CFH: variants seen among roughly 807,000 people sequenced by gnomAD.
CFH encodes H factor 1 (complement).
A neutral mutation model predicts 147.3 loss-of-function variants in CFH; 53 were observed. The ratio of observed to expected loss-of-function variants is 0.36; its 90% CI spans 0.29 to 0.45. CFH has a LOEUF of 0.45. Among genes scored for constraint, CFH ranks in the 20% least tolerant of loss-of-function variants. CFH has a pLI of 1.00. For missense variants in CFH, 1,380 were observed against 1,498.0 expected (o/e 0.92, Z 1.30); for synonymous variants, 536 against 489.4 (o/e 1.10, Z -1.26).
intron 9 of CFH, chr1:196,701,283 C>T: frequency 6.2e-7 from 1 of 1,613,702 alleles, no homozygotes; most frequent in South Asian, 1.1e-5. Context: ...GCAAGCCTAA[C>T]TCAGGGTAAT....
rs551028816 is a variant in CFH, at chr1:196,683,109, A to T, written c.791-1955A>T. Among the ~76,000 whole-genome samples, 4 of 151,320 alleles carry T rather than the reference A, an allele frequency of 2.6e-5. No individual in the cohort carries two copies. In the South Asian group the frequency reaches 6.2e-4, roughly 24 times the overall value. ...CAAAAATTAAAAAATTAAGTAAAGT[A>T]CAAGAGGAGAAGCAAAAAATATAAA... On this transcript the variant is annotated intron_variant, in intron 6 of 21. Transcript: ENST00000367429.
chr1:196,702,236 C>T (rs983869629), intron 9 of CFH, among the ~76,000 whole-genome samples: 9 of 152,072 alleles, frequency 5.9e-5, no homozygotes, highest in Middle Eastern at 3.2e-3. Flanking sequence ...GTCACAAATC[C>T]GGGGCAACAG....
chr1:196,654,297 T>C (rs1396507272), intron 1 of CFH, among the ~76,000 whole-genome samples: 1 of 152,192 alleles, frequency 6.6e-6, no homozygotes, highest in East Asian at 1.9e-4. Flanking sequence ...GAAAGAATTA[T>C]AGCCAGCAGG....
At chr1:196,679,374 A>G in intron 5 of CFH, 2 of 336,958 alleles carry the variant, frequency 5.9e-6, no homozygotes, top group Non-Finnish European at 1.1e-5. Flanking sequence ...GATGAATGTT[A>G]CTGGTCACTA....
rs1372161390 is a variant in CFH at position 196,678,098 on chromosome 1, GA to G, written c.619+434del. The G allele has an allele frequency of 1.6e-5, 3 of 183,790 alleles. No individual in the cohort carries two copies. In the Admixed American group the frequency reaches 1.6e-4, roughly 10 times the overall value. The allele number at this position is 183,790 out of a possible 1,614,324, so 11.4% of individuals were successfully genotyped here. A position where few individuals can be genotyped will look rare whatever the true frequency, so the allele number is the denominator to read the frequency against. ...TGGAATAGACATTTGTTTTTATTTT[GA>G]AAGCCAAAGATTCATTATGTATTTC... is the stretch of plus-strand genomic sequence containing the variant. On this transcript the variant is annotated intron_variant, in intron 5 of 21. Transcript: ENST00000367429.
At chr1:196,747,001 T>A in intron 21 of CFH, 110 bp from the exon 22 acceptor site, 1 of 1,552,574 alleles carries the variant, frequency 6.4e-7, no homozygotes, top group South Asian at 1.2e-5. Flanking sequence ...TGGATAGTGT[T>A]TTGAGAAATA....
intron 21 of CFH, among the ~76,000 whole-genome samples, 155 bp from the exon 22 acceptor site, chr1:196,746,956 A>G (rs755054795): frequency 5.3e-5 from 8 of 152,206 alleles, no homozygotes; most frequent in African/African-American, 1.9e-4. Context: ...TTCTAAGTTT[A>G]TTCAAATCAA....
At chr1:196,692,083 G>C (rs1485057353) in intron 9 of CFH, among the ~76,000 whole-genome samples, 1 of 151,846 alleles carries the variant, frequency 6.6e-6, no homozygotes, top group Non-Finnish European at 1.5e-5. Flanking sequence ...TGCACTATTA[G>C]TAAACAATTT....
chr1:196,683,886 C>G (rs1167370148), intron 6 of CFH, among the ~76,000 whole-genome samples: 1 of 151,696 alleles, frequency 6.6e-6, no homozygotes, highest in Middle Eastern at 3.2e-3. Context: ...GACTATGGAT[C>G]ATTTACCATG....
At position 196,690,207 on chromosome 1, in the gene CFH, G is replaced by A. The variant is rs2149088783; in HGVS notation, c.1304G>A (p.Gly435Asp). 1.2e-6 allele frequency: 2 copies of A among 1,613,340 alleles called. No homozygotes were observed. Among genetic ancestry groups the A allele is most frequent in the Non-Finnish European group, 1.7e-6 (2 of 1,179,600 alleles). The change falls in exon 9 of 22, where the codon GGC (glycine) becomes GAC (aspartate). Residue 435 changes from glycine to aspartate, a missense_variant. By Grantham distance (94) the Gly-to-Asp change is moderately conservative. Coordinates refer to ENST00000367429, the MANE Select transcript of CFH (RefSeq NM_000186.4). ...AQTTVTCMEN[G>D]WSPTPRCIRV... is the part of the protein sequence containing the mutation. ...ACCACAGTTACATGTATGGAGAATG[G>A]CTGGTCTCCTACTCCCAGATGCATC...
At chr1:196,659,357 T>C (rs1666828420) in intron 1 of CFH, among the ~76,000 whole-genome samples, 1 of 152,196 alleles carries the variant, frequency 6.6e-6, no homozygotes, top group Admixed American at 6.5e-5. Flanking sequence ...TTGATAATGA[T>C]GTAGGACAGC....
At chr1:196,726,104 T>C (rs1669130231) in intron 12 of CFH, among the ~76,000 whole-genome samples, 1 of 152,220 alleles carries the variant, frequency 6.6e-6, no homozygotes, top group African/African-American at 2.4e-5. Context: ...TTGTATTGAT[T>C]AGTCAAACTT....
At chr1:196,671,671 G>GTA (rs995003451) in intron 1 of CFH, among the ~76,000 whole-genome samples, 82 of 145,220 alleles carry the variant, frequency 5.6e-4, no homozygotes, top group South Asian at 1.3e-3. Context: ...ATAAATATGT[G>GTA]TATATATATA....
At chr1:196,688,092 T>C (rs1218171641) in intron 7 of CFH, among the ~76,000 whole-genome samples, 1 of 151,938 alleles carries the variant, frequency 6.6e-6, no homozygotes, top group Non-Finnish European at 1.5e-5. Context: ...TGTATGTGTG[T>C]ATTGAAATTC....
At position 196,728,386 on chromosome 1, in the gene CFH, T is replaced by A. The variant is rs1324976725; in HGVS notation, c.2277T>A (p.Ile759=). 2 of 1,582,048 alleles carry A rather than the reference T, an allele frequency of 1.3e-6. No individual in the cohort carries two copies. Among genetic ancestry groups the A allele is most frequent in the Non-Finnish European group, 1.7e-6 (2 of 1,157,860 alleles). ...AGAAGTGCAAATCATCAAATTTAAT[T>A]ATACTTGAGGAACATTTAAAAAACA... The part of the protein sequence containing the change: ...KLKKCKSSNL[I]ILEEHLKNKK... Residue 759 remains isoleucine, a synonymous_variant, in exon 15 of 22, where the codon ATT becomes ATA. Transcript: ENST00000367429.
rs34543613 is a variant in CFH at position 196,682,166 on chromosome 1, G to A, written c.790+2373G>A. ...AAAGTTATTTATAGAAACAATCAAA[G>A]GTACGAAGAACTGCTAAAGGAAAGC... On this transcript the variant is annotated intron_variant, in intron 6 of 21. Coordinates refer to ENST00000367429, the MANE Select transcript of CFH (RefSeq NM_000186.4). Among the ~76,000 whole-genome samples the A allele has an allele frequency of 4.1e-3, 625 of 151,770 alleles. 2 individuals carry two copies. Among genetic ancestry groups the A allele is most frequent in the African/African-American group, 0.015 (607 of 41,506 alleles).
chr1:196,672,137 A>G (rs1298067294), intron 1 of CFH, among the ~76,000 whole-genome samples: 1 of 152,150 alleles, frequency 6.6e-6, no homozygotes, highest in African/African-American at 2.4e-5. Flanking sequence ...AAGTTTCAGA[A>G]TTCTTCATGC....
rs1652784306 is a variant in CFH, at chr1:196,740,745, T to C, written c.2909T>C (p.Ile970Thr). 1.2e-6 allele frequency: 2 copies of C among 1,613,940 alleles called. No homozygotes were observed. The highest frequency in any genetic ancestry group is 1.3e-5 in the African/African-American group (1 of 74,908). The change falls in exon 18 of 22, where the codon ATT becomes ACT. Residue 970 changes from isoleucine to threonine, a missense_variant. By Grantham distance (89) the Ile-to-Thr change is moderately conservative. Around this residue, in one of 4 missense-constraint regions of CFH, gnomAD observed 830 missense variants for 821.4 expected, o/e 1.01. Coordinates refer to ENST00000367429, the MANE Select transcript of CFH (RefSeq NM_000186.4). Reference protein sequence around the residue: ...FEGFGIDGPAIAKCLGEKWSH... With the variant: ...FEGFGIDGPATAKCLGEKWSH... ...GGTTTTGGAATTGATGGGCCTGCAA[T>C]TGCAAAATGCTTAGGAGAAAAATGG...
intron 19 of CFH, among the ~76,000 whole-genome samples, chr1:196,742,872 T>C (rs780796510): frequency 6.6e-6 from 1 of 152,234 alleles, no homozygotes; most frequent in Non-Finnish European, 1.5e-5. Flanking sequence ...TTTATTATTA[T>C]AGGCTTTTTA....
Sources: allele counts gnomAD v4.1 joint callset (sites outside exome capture counted in the v4.1 genomes callset), GRCh38; gene constraint gnomAD v4.1.1; regional missense constraint gnomAD v4.1.1; transcripts MANE v1.5; gene names NCBI Gene and HGNC (gene_info 2026-07-23, HGNC 2026-07-21).